Variants in LPP observed in about 807,000 individuals in gnomAD.
The protein encoded by LPP is lipoma-preferred partner.
In LPP, 38 loss-of-function variants were observed where a neutral mutation model predicts 60.4. The observed-to-expected ratio is 0.63, with a 90% CI of 0.49 to 0.83. The LOEUF (loss-of-function observed/expected upper bound fraction) is 0.83. Among genes scored for constraint, LPP ranks in the 40% least tolerant of loss-of-function variants. LPP has a pLI of 0.00. For missense variants in LPP, 902 were observed against 783.6 expected (o/e 1.15, Z -1.80); for synonymous variants, 328 against 290.8 (o/e 1.13, Z -1.30).
At chr3:188,433,226 TAC>T (rs1480605888) in intron 4 of LPP, among the ~76,000 whole-genome samples, 2 of 152,194 alleles carry the variant, frequency 1.3e-5, no homozygotes, top group Non-Finnish European at 2.9e-5. Flanking sequence ...TAGTGATGGA[TAC>T]AGTTAATCCA....
intron 4 of LPP, among the ~76,000 whole-genome samples, chr3:188,435,487 G>A (rs1157645570): frequency 6.6e-6 from 1 of 152,030 alleles, no homozygotes; most frequent in Non-Finnish European, 1.5e-5. Context: ...TAAACACAAG[G>A]TGTTATATAA....
At chr3:188,509,998 T>G (rs1814967814) in intron 5 of LPP, among the ~76,000 whole-genome samples, 1 of 151,416 alleles carries the variant, frequency 6.6e-6, no homozygotes. Flanking sequence ...ATTAGAGGCG[T>G]GAGCCACTGC....
chr3:188,747,590 G>T (rs925021608), intron 8 of LPP, among the ~76,000 whole-genome samples: 3 of 152,180 alleles, frequency 2.0e-5, no homozygotes, highest in Admixed American at 6.5e-5. Context: ...GTAAGTGATA[G>T]CAGATGACTG....
intron 4 of LPP, among the ~76,000 whole-genome samples, chr3:188,435,843 C>T (rs990093080): frequency 6.6e-6 from 1 of 152,134 alleles, no homozygotes; most frequent in Non-Finnish European, 1.5e-5. Context: ...GCTTGAGGCA[C>T]TTGCACATCT....
intron 2 of LPP, among the ~76,000 whole-genome samples, chr3:188,331,151 G>A (rs1282588888): frequency 2.0e-5 from 3 of 152,142 alleles, no homozygotes; most frequent in Non-Finnish European, 4.4e-5. Flanking sequence ...CATGCTTGGT[G>A]TATCATAGGA....
intron 9 of LPP, among the ~76,000 whole-genome samples, chr3:188,793,184 CT>C (rs34203235): frequency 0.56 from 76,648 of 137,452 alleles, 21,372 homozygotes; most frequent in East Asian, 0.87. Context: ...CTCATTTATC[CT>C]TTTTTTTTTT....
chr3:188,498,327 C>G (rs920002864), intron 5 of LPP, among the ~76,000 whole-genome samples: 5 of 152,180 alleles, frequency 3.3e-5, no homozygotes, highest in African/African-American at 1.2e-4. Flanking sequence ...AACTGAACCT[C>G]TATACCGCTT....
At position 188,191,059 on chromosome 3, in the gene LPP, A is replaced by G. The variant is rs1323598060; in HGVS notation, c.-189-34346A>G. ...AGCCTGGCCAACATGGTGAATCCCC[A>G]TCTCTACTAAAAATACAAAAATTAG... On this transcript the variant is annotated intron_variant, in intron 1 of 11. Transcript: ENST00000617246. 3.3e-5 allele frequency among the ~76,000 whole-genome samples: 5 copies of G among 152,262 alleles called. No homozygotes were observed. In the East Asian group the frequency reaches 5.8e-4, roughly 18 times the overall value.
intron 7 of LPP, among the ~76,000 whole-genome samples, chr3:188,616,659 G>A (rs1441312522): frequency 2.0e-5 from 3 of 151,934 alleles, no homozygotes; most frequent in African/African-American, 7.3e-5. Flanking sequence ...GCTATGATTT[G>A]GAGATTACCT....
At chr3:188,319,377 C>T (rs1560242331) in intron 2 of LPP, among the ~76,000 whole-genome samples, 1 of 152,200 alleles carries the variant, frequency 6.6e-6, no homozygotes. Context: ...TTATTTGGCA[C>T]AGTTGGTCTT....
At chr3:188,260,951 C>T (rs982192526) in intron 2 of LPP, among the ~76,000 whole-genome samples, 1 of 151,876 alleles carries the variant, frequency 6.6e-6, no homozygotes. Flanking sequence ...AGGAGAATCC[C>T]GTAGTCCCAG....
At chr3:188,595,546 A>G (rs1264381123) in intron 6 of LPP, among the ~76,000 whole-genome samples, 1 of 152,196 alleles carries the variant, frequency 6.6e-6, no homozygotes, top group Non-Finnish European at 1.5e-5. Context: ...TTCAAAAGCC[A>G]TCCTTAGATT....
chr3:188,609,287 C>A lies in LPP; in HGVS notation c.556C>A (p.Pro186Thr). ...GTCTACATTGAAACCACAGCCTGCA[C>A]CCCAGGCTGGACCCATCCCTGTGGC... ...KKSTLKPQPA[P>T]QAGPIPVAPI... The change falls in exon 7 of 12, where the codon CCC becomes ACC. Residue 186 changes from proline (P) to threonine (T), a missense_variant. Coordinates refer to ENST00000617246, the MANE Select transcript of LPP (RefSeq NM_001375462.1). This position sits in a 1 kb window ranked among gnomAD's most constrained non-coding sequence, Gnocchi z 6.9. 1.2e-6 allele frequency: 2 copies of A among 1,614,092 alleles called. No homozygotes were observed. The highest frequency in any genetic ancestry group is 2.2e-5 in the East Asian group (1 of 44,862).
Position 188,407,768 on chromosome 3 carries a change from G to GTTTTTTGTTTTTTTT in LPP, c.193+1461_193+1462insGTTTTTTTTTTTTTT. Among the ~76,000 whole-genome samples the GTTTTTTGTTTTTTTT allele has an allele frequency of 3.3e-5, 2 of 61,282 alleles. 1 individual carries two copies. The highest frequency in any genetic ancestry group is 6.9e-5 in the Non-Finnish European group (2 of 29,068). The allele number at this position is 61,282 out of a possible 152,430, so 40.2% of individuals were successfully genotyped here. ...CCATATGTTGGCTTCCTCATTTATG[G>GTTTTTTGTTTTTTTT]TTTTTTTTTTTGTTTGTTTGTTTTT... On this transcript the variant is annotated intron_variant, in intron 4 of 11. Transcript: ENST00000617246.
At chr3:188,536,051 C>A (rs1823524508) in intron 6 of LPP, among the ~76,000 whole-genome samples, 1 of 143,368 alleles carries the variant, frequency 7.0e-6, no homozygotes. Context: ...TCTTGTTGCC[C>A]AGGCTGGAGT....
intron 6 of LPP, among the ~76,000 whole-genome samples, chr3:188,558,819 G>T (rs1284491795): frequency 6.6e-6 from 1 of 152,046 alleles, no homozygotes; most frequent in Non-Finnish European, 1.5e-5. Context: ...AAAGGGCAAT[G>T]ATGTTACAAC....
intron 8 of LPP, among the ~76,000 whole-genome samples, chr3:188,723,554 G>C (rs951889611): frequency 1.3e-5 from 2 of 152,100 alleles, no homozygotes; most frequent in African/African-American, 4.8e-5. Context: ...CAGGGAGACG[G>C]CAGACATACA....
At chr3:188,774,809 C>T (rs1311706973) in intron 9 of LPP, among the ~76,000 whole-genome samples, 1 of 152,104 alleles carries the variant, frequency 6.6e-6, no homozygotes, top group Non-Finnish European at 1.5e-5. Context: ...TCACTAGTAC[C>T]ATCATGAGGG....
intron 6 of LPP, among the ~76,000 whole-genome samples, chr3:188,587,543 T>C: frequency 6.6e-6 from 1 of 152,194 alleles, no homozygotes; most frequent in East Asian, 1.9e-4. Context: ...CGCCATACAA[T>C]TAATAATGTG....
Sources: gnomAD v4.1 joint callset for allele counts (sites outside exome capture counted in the v4.1 genomes callset) on GRCh38, gnomAD v4.1.1 for gene constraint, Gnocchi (gnomAD v3.1) non-coding constraint, MANE v1.5 for transcripts, NCBI Gene and HGNC (gene_info 2026-07-23, HGNC 2026-07-21) for gene names.